The following E2F7 variants were observed in gnomAD, a reference collection of about 807,000 sequenced individuals.
The protein encoded by E2F7 is transcription factor E2F7.
E2F7 carries 35 observed loss-of-function variants against 81.1 expected under a neutral mutation model. The ratio of observed to expected loss-of-function variants is 0.43; its 90% CI spans 0.33 to 0.57. E2F7 has a LOEUF of 0.57. E2F7 is among the 20% of genes least tolerant of loss of function. The pLI is 0.04. For missense variants in E2F7, 961 were observed against 1,093.7 expected (o/e 0.88, Z 1.71); for synonymous variants, 416 against 416.2 (o/e 1.00, Z 0.01).
chr12:77,037,460 A>G (rs1954861543), intron 7 of E2F7, among the ~76,000 whole-genome samples: 1 of 152,174 alleles, frequency 6.6e-6, no homozygotes, highest in Non-Finnish European at 1.5e-5. Flanking sequence ...CCAGTAACAC[A>G]CTATGGGGTT....
At chr12:77,035,529 A>C (rs1452438765) in intron 7 of E2F7, among the ~76,000 whole-genome samples, 1 of 152,206 alleles carries the variant, frequency 6.6e-6, no homozygotes, top group Non-Finnish European at 1.5e-5. Flanking sequence ...AAAACGTACT[A>C]AAGACTAAAA....
At chr12:77,036,550 A>G (rs574180384) in intron 7 of E2F7, among the ~76,000 whole-genome samples, 4 of 152,054 alleles carry the variant, frequency 2.6e-5, no homozygotes, top group African/African-American at 9.6e-5. Flanking sequence ...AAATAAAATA[A>G]ATTTAAAAAA....
intron 5 of E2F7, 32 bp from the exon 6 acceptor site, chr12:77,044,827 T>C (rs2242383): frequency 0.57 from 922,453 of 1,605,360 alleles, 268,037 homozygotes; most frequent in Non-Finnish European, 0.59. Flanking sequence ...AGCATCAAAG[T>C]ATATGATTTT....
intron 12 of E2F7, among the ~76,000 whole-genome samples, chr12:77,025,042 A>G (rs901954969): frequency 6.6e-6 from 1 of 152,178 alleles, no homozygotes; most frequent in Non-Finnish European, 1.5e-5. Context: ...GTATAGATGT[A>G]TATACATCTA....
chr12:77,043,175 A>G lies in E2F7; in HGVS notation c.1013T>C (p.Ile338Thr). The G allele has an allele frequency of 2.5e-6, 4 of 1,614,124 alleles. No homozygotes were observed. The highest frequency in any genetic ancestry group is 3.4e-6 in the Non-Finnish European group (4 of 1,180,018). Residue 338 changes from isoleucine (I) to threonine (T), a missense_variant, in exon 7 of 13, where the codon ATA becomes ACA. By Grantham distance (89) the Ile-to-Thr change is moderately conservative (BLOSUM62 -1). Coordinates refer to ENST00000322886, the MANE Select transcript of E2F7 (RefSeq NM_203394.3). Reference sequence around the variant, plus strand: ...AGCCAAGCTGGTCAGAACATTGGCTATGTCATAGAGGCGTCGTACCTTTGC... The same window carrying G: ...AGCCAAGCTGGTCAGAACATTGGCTGTGTCATAGAGGCGTCGTACCTTTGC... ...FKTKVRRLYDIANVLTSLALI... is the reference protein window; with the variant it reads ...FKTKVRRLYDTANVLTSLALI...
intron 11 of E2F7, 69 bp downstream of exon 11, chr12:77,027,814 A>G: frequency 6.4e-7 from 1 of 1,570,770 alleles, no homozygotes; most frequent in South Asian, 1.2e-5. Flanking sequence ...TGACACAGAC[A>G]AAAATTTAAA....
In E2F7 at chr12:77,033,937, G is replaced by C; in HGVS notation, c.1229C>G (p.Ser410Cys). 1 of 1,614,180 alleles carries C rather than the reference G, an allele frequency of 6.2e-7. No individual in the cohort carries two copies. The change falls in exon 8 of 13, where the codon TCT becomes TGT. Residue 410 changes from serine to cysteine, a missense_variant. Physicochemically the swap from Ser to Cys is moderately radical, Grantham distance 112 (BLOSUM62 -1). Around this residue, in one of 3 missense-constraint regions of E2F7, gnomAD observed 587 missense variants for 620.3 expected, o/e 0.95. Transcript: ENST00000322886. ...CTCAGAAGCCTGAACTGTGTTAAAA[G>C]AACCATGGCGAGCCAGCTTCTGTTT... The part of the protein sequence containing the change: ...CAKQKLARHG[S>C]FNTVQASERI...
chr12:77,027,810 A>C, intron 11 of E2F7, 73 bp downstream of exon 11: 1 of 1,565,870 alleles, frequency 6.4e-7, no homozygotes, highest in Non-Finnish European at 8.6e-7. Flanking sequence ...CAGGTGACAC[A>C]GACAAAAATT....
At chr12:77,038,772 T>G (rs1954873489) in intron 7 of E2F7, among the ~76,000 whole-genome samples, 1 of 152,210 alleles carries the variant, frequency 6.6e-6, no homozygotes, top group African/African-American at 2.4e-5. Context: ...GCTCTATAGC[T>G]ATTAAAAAAT....
chr12:77,044,451 C>T (rs958722272), intron 6 of E2F7, 186 bp downstream of exon 6: 1 of 680,134 alleles, frequency 1.5e-6, no homozygotes, highest in Non-Finnish European at 2.4e-6. Flanking sequence ...ACTGACAGGA[C>T]TCTAAGCTGA....
intron 1 of E2F7, 30 bp from the exon 2 acceptor site, chr12:77,064,665 T>C (rs775467566): frequency 1.3e-6 from 2 of 1,592,084 alleles, no homozygotes; most frequent in Non-Finnish European, 1.7e-6. Context: ...TAGAAAATGA[T>C]TTTGCAATTA....
In E2F7 at chr12:77,025,904, G is replaced by C; in HGVS notation, c.2219C>G (p.Ser740Cys). Residue 740 changes from serine to cysteine, a missense_variant, in exon 12 of 13, where the codon TCT becomes TGT. By Grantham distance (112) the Ser-to-Cys change is moderately radical (BLOSUM62 -1). Coordinates refer to ENST00000322886, the MANE Select transcript of E2F7 (RefSeq NM_203394.3). ...TAAGACCATGCAAGGGACACTGAAA[G>C]ACGGCAGCTGACCTGAGGACGGGCC... is the stretch of plus-strand genomic sequence containing the variant. ...TVGPSSGQLPSFSVPCMVLPS... is the reference protein window; with the variant it reads ...TVGPSSGQLPCFSVPCMVLPS... The C allele has an allele frequency of 1.2e-6, 2 of 1,614,156 alleles. No individual in the cohort carries two copies. The highest frequency in any genetic ancestry group is 1.7e-6 in the Non-Finnish European group (2 of 1,180,006).
Position 77,022,981 on chromosome 12 carries a change from G to C in E2F7, c.*1034C>G, listed in dbSNP as rs564774146. On this transcript the variant is annotated 3_prime_UTR_variant, in exon 13 of 13. Coordinates refer to ENST00000322886, the MANE Select transcript of E2F7 (RefSeq NM_203394.3). ...GACATGAAGTAGAAGAAAAACAAAAGAATCATCTCTTGCCCTGTATCAATT... is the reference window on the plus strand; with the variant it reads ...GACATGAAGTAGAAGAAAAACAAAACAATCATCTCTTGCCCTGTATCAATT... 6.6e-6 allele frequency: 1 copy of C among 152,098 alleles called. No homozygotes were observed. The highest frequency in any genetic ancestry group is 6.6e-5 in the Admixed American group (1 of 15,262). The allele number at this position is 152,098 out of a possible 1,614,324, so 9.4% of individuals were successfully genotyped here. A position where few individuals can be genotyped will look rare whatever the true frequency, so the allele number is the denominator to read the frequency against.
intron 11 of E2F7, among the ~76,000 whole-genome samples, chr12:77,026,460 C>T (rs1954760984): frequency 6.6e-6 from 1 of 151,870 alleles, no homozygotes; most frequent in African/African-American, 2.4e-5. Flanking sequence ...GCCACCACAC[C>T]CAGCTAATTT....
At chr12:77,038,544 T>C (rs1954871725) in intron 7 of E2F7, among the ~76,000 whole-genome samples, 1 of 152,078 alleles carries the variant, frequency 6.6e-6, no homozygotes, top group Admixed American at 6.5e-5. Flanking sequence ...AAAGGGAAAA[T>C]ACAAAGTATT....
chr12:77,051,143 G>A (rs990277905), intron 3 of E2F7, among the ~76,000 whole-genome samples: 2 of 152,144 alleles, frequency 1.3e-5, no homozygotes, highest in African/African-American at 4.8e-5. Flanking sequence ...TTCTAATGAC[G>A]TGGAAGTTTC....
At chr12:77,045,097 A>T (rs1309401835) in intron 5 of E2F7, among the ~76,000 whole-genome samples, 1 of 152,212 alleles carries the variant, frequency 6.6e-6, no homozygotes, top group African/African-American at 2.4e-5. Context: ...TCCTGAAGCA[A>T]CTTCTTGGAA....
At chr12:77,053,799 C>T (rs1352932545) in intron 3 of E2F7, among the ~76,000 whole-genome samples, 1 of 152,100 alleles carries the variant, frequency 6.6e-6, no homozygotes, top group Non-Finnish European at 1.5e-5. Flanking sequence ...TGTTGATTGA[C>T]AAAAGCAAGT....
chr12:77,025,365 T>C (rs1565892313), intron 12 of E2F7, among the ~76,000 whole-genome samples, 193 bp downstream of exon 12: 1 of 152,344 alleles, frequency 6.6e-6, no homozygotes, highest in East Asian at 1.9e-4. Context: ...CATTTTTGTC[T>C]TTAAAGCACA....
Sources: gnomAD v4.1 joint callset for allele counts (sites outside exome capture counted in the v4.1 genomes callset) on GRCh38, gnomAD v4.1.1 for gene constraint, gnomAD v4.1.1 regional missense constraint, MANE v1.5 for transcripts, NCBI Gene and HGNC (gene_info 2026-07-23, HGNC 2026-07-21) for gene names.